Variants in ANKRD28 observed in about 807,000 individuals in gnomAD.
ANKRD28 encodes the protein ankyrin repeat domain 28.
In ANKRD28, 44 loss-of-function variants were observed where a neutral mutation model predicts 126.5. The observed-to-expected ratio is 0.35, with a 90% CI of 0.27 to 0.45. The LOEUF (loss-of-function observed/expected upper bound fraction) is 0.45, where lower values mean the gene tolerates loss of function less well. Among genes scored for constraint, ANKRD28 ranks in the 20% least tolerant of loss-of-function variants. ANKRD28 has a pLI of 1.00. For missense variants in ANKRD28, 1,110 were observed against 1,316.6 expected (o/e 0.84, Z 2.43); for synonymous variants, 442 against 468.5 (o/e 0.94, Z 0.73).
At chr3:15,727,340 G>T (rs1014415960) in intron 6 of ANKRD28, among the ~76,000 whole-genome samples, 1 of 152,024 alleles carries the variant, frequency 6.6e-6, no homozygotes, top group Admixed American at 6.5e-5. Context: ...ACTTTGGGAG[G>T]CCAATCACCT....
In ANKRD28 at chr3:15,815,298, C is replaced by CA. The variant is rs1429766525; in HGVS notation, c.28-19993dup. Among the ~76,000 whole-genome samples, 1 of 151,978 alleles carries CA rather than the reference C, an allele frequency of 6.6e-6. No homozygotes were observed. The highest frequency in any genetic ancestry group is 2.4e-5 in the African/African-American group (1 of 41,364). ...CATTCCCTACATAAAAGTGTGGGGC[C>CA]AACCACATTTCTTTTGTTTTTCTTT... On this transcript the variant is annotated intron_variant, in intron 1 of 27. Transcript: ENST00000399451. This position sits in a 1 kb window ranked among gnomAD's most constrained non-coding sequence, Gnocchi z 4.1.
At chr3:15,713,737 A>C (rs1057106964) in intron 9 of ANKRD28, 96 bp from the exon 10 acceptor site, 3 of 645,926 alleles carry the variant, frequency 4.6e-6, no homozygotes, top group Non-Finnish European at 7.6e-6. Flanking sequence ...TCACATACAA[A>C]CTAATAGATA....
At position 15,846,747 on chromosome 3, in the gene ANKRD28, C is replaced by A. The variant is rs1224612456; in HGVS notation, c.27+12630G>T. Among the ~76,000 whole-genome samples, 1 of 152,186 alleles carries A rather than the reference C, an allele frequency of 6.6e-6. No individual in the cohort carries two copies. The highest frequency in any genetic ancestry group is 2.4e-5 in the African/African-American group (1 of 41,436). On this transcript the variant is annotated intron_variant, in intron 1 of 27. Coordinates refer to the ANKRD28 transcript ENST00000399451. This position sits in a 1 kb window ranked among gnomAD's most constrained non-coding sequence, Gnocchi z 5.4. The stretch of plus-strand genomic sequence containing the variant: ...GATCAGCTGGGTGTGCCTGAGGAGG[C>A]TGGAGACAACCCAGGCTGAAAGAAG...
intron 18 of ANKRD28, among the ~76,000 whole-genome samples, chr3:15,687,106 C>A (rs115930109): frequency 0.013 from 1,907 of 151,792 alleles, 38 homozygotes; most frequent in African/African-American, 0.044. Context: ...CCACACCCGG[C>A]GATTTTTTTT....
At chr3:15,771,470 T>C (rs1441769821) in intron 2 of ANKRD28, among the ~76,000 whole-genome samples, 1 of 150,708 alleles carries the variant, frequency 6.6e-6, no homozygotes, top group Non-Finnish European at 1.5e-5. Context: ...TCAGGAAGCT[T>C]ACAATGGTGG....
rs2061391400 is a variant in ANKRD28, at chr3:15,839,618, C to A, written c.27+19759G>T. On this transcript the variant is annotated intron_variant, in intron 1 of 27. Coordinates refer to the ANKRD28 transcript ENST00000399451. This position sits in a 1 kb window ranked among gnomAD's most constrained non-coding sequence, Gnocchi z 4.3. ...AAAAAAGAAAACGATAGGCCAATAT[C>A]ACTGAGTAATATTGACTCAAAAAAT... Among the ~76,000 whole-genome samples, 1 of 151,926 alleles carries A rather than the reference C, an allele frequency of 6.6e-6. No homozygotes were observed.
At chr3:15,778,458 T>C (rs759040659) in intron 2 of ANKRD28, among the ~76,000 whole-genome samples, 1 of 152,158 alleles carries the variant, frequency 6.6e-6, no homozygotes, top group Non-Finnish European at 1.5e-5. Context: ...ATTCAGGAAA[T>C]GGTCAGTTCT....
At chr3:15,693,191 T>C (rs1051492872) in intron 17 of ANKRD28, among the ~76,000 whole-genome samples, 6 of 152,202 alleles carry the variant, frequency 3.9e-5, no homozygotes, top group African/African-American at 1.4e-4. Flanking sequence ...TACAGTAATG[T>C]AAATATACTT....
chr3:15,852,019 A>G (rs2061662476), intron 1 of ANKRD28, among the ~76,000 whole-genome samples: 1 of 152,244 alleles, frequency 6.6e-6, no homozygotes, highest in Admixed American at 6.5e-5. Flanking sequence ...AAAAGTCTAC[A>G]GAGACAGAAT....
chr3:15,830,961 C>T lies in ANKRD28; in HGVS notation c.27+28416G>A, dbSNP rs1222351110. ...ACGTGGGTGGCCTTGGTTGGCAATA[C>T]TCCTTGCGTGTCACCATATATTGTT... is the stretch of plus-strand genomic sequence containing the variant. On this transcript the variant is annotated intron_variant, in intron 1 of 27. Coordinates refer to the ANKRD28 transcript ENST00000399451. This position sits in a 1 kb window ranked among gnomAD's most constrained non-coding sequence, Gnocchi z 4.5. Among the ~76,000 whole-genome samples the T allele has an allele frequency of 6.6e-6, 1 of 152,142 alleles. No homozygotes were observed. Among genetic ancestry groups the T allele is most frequent in the Admixed American group, 6.5e-5 (1 of 15,276 alleles).
chr3:15,745,182 G>C (rs1439434750), intron 4 of ANKRD28, among the ~76,000 whole-genome samples: 2 of 152,192 alleles, frequency 1.3e-5, no homozygotes, highest in Non-Finnish European at 2.9e-5. Context: ...TACTCTGTGA[G>C]TTGTTAATGC....
intron 14 of ANKRD28, chr3:15,697,367 A>AGGGATAAAAGAC (rs2069772789): frequency 6.6e-6 from 1 of 152,210 alleles, no homozygotes; most frequent in Admixed American, 6.6e-5. Context: ...TACACATTGG[A>AGGGATAAAAGAC]TACAGTGTAC....
chr3:15,848,776 C>T (rs1362663914), intron 1 of ANKRD28, among the ~76,000 whole-genome samples: 2 of 152,086 alleles, frequency 1.3e-5, no homozygotes, highest in Non-Finnish European at 2.9e-5. Flanking sequence ...CCAACAGCTA[C>T]ATCATACTTA....
intron 1 of ANKRD28, among the ~76,000 whole-genome samples, chr3:15,842,341 G>A (rs2061440279): frequency 1.3e-5 from 2 of 151,740 alleles, no homozygotes; most frequent in Non-Finnish European, 2.9e-5. Context: ...ATTTGTGGAA[G>A]CTAAAAATTA....
At chr3:15,695,990 A>C (rs1439495426) in intron 15 of ANKRD28, 144 bp downstream of exon 15, 1 of 638,482 alleles carries the variant, frequency 1.6e-6, no homozygotes, top group Non-Finnish European at 2.7e-6. Context: ...TACTAAAGCA[A>C]GTGTGAATTT....
intron 15 of ANKRD28, 48 bp downstream of exon 15, chr3:15,696,086 A>T: frequency 8.1e-7 from 1 of 1,238,580 alleles, no homozygotes; most frequent in Non-Finnish European, 1.1e-6. Flanking sequence ...TTACATTATT[A>T]GACTATAAAC....
At chr3:15,820,278 A>T (rs1308539559) in intron 1 of ANKRD28, among the ~76,000 whole-genome samples, 1 of 152,184 alleles carries the variant, frequency 6.6e-6, no homozygotes, top group African/African-American at 2.4e-5. Context: ...TACAGGATAA[A>T]GTGATAGGTG....
At chr3:15,763,285 C>T (rs1012528188) in intron 3 of ANKRD28, among the ~76,000 whole-genome samples, 1 of 152,238 alleles carries the variant, frequency 6.6e-6, no homozygotes, top group Non-Finnish European at 1.5e-5. Flanking sequence ...CCCTTAACTT[C>T]TACCCATCCC....
chr3:15,681,653 C>T (rs887477162), intron 21 of ANKRD28, among the ~76,000 whole-genome samples: 1 of 152,078 alleles, frequency 6.6e-6, no homozygotes, highest in Non-Finnish European at 1.5e-5. Context: ...TTAAACTTTA[C>T]CCTATAATTG....
Sources: allele counts gnomAD v4.1 joint callset (sites outside exome capture counted in the v4.1 genomes callset), GRCh38; gene constraint gnomAD v4.1.1; non-coding constraint Gnocchi (gnomAD v3.1); transcripts MANE v1.5; gene names NCBI Gene and HGNC (gene_info 2026-07-23, HGNC 2026-07-21).